The following ABHD3 variants were observed in gnomAD, a reference collection of about 807,000 sequenced individuals.
ABHD3 encodes the protein abhydrolase domain containing 3, phospholipase.
A neutral mutation model predicts 48.8 loss-of-function variants in ABHD3; 46 were observed. That is an observed-to-expected ratio of 0.94 (90% CI 0.74 to 1.20). ABHD3 has a LOEUF of 1.20. ABHD3 is among the 50% of genes most tolerant of loss of function. ABHD3 has a pLI of 0.00. For missense variants in ABHD3, 490 were observed against 497.8 expected (o/e 0.98, Z 0.15); for synonymous variants, 192 against 183.7 (o/e 1.04, Z -0.36).
intron 3 of ABHD3, among the ~76,000 whole-genome samples, chr18:21,697,891 G>C (rs2040416629): frequency 6.6e-6 from 1 of 152,104 alleles, no homozygotes; most frequent in Admixed American, 6.6e-5. Context: ...TACGCTGGGA[G>C]TTAGGTTCTC....
chr18:21,657,161 A>G lies in ABHD3; in HGVS notation c.843-9T>C. On this transcript the variant is annotated splice_polypyrimidine_tract_variant and intron_variant, in intron 6 of 8. Coordinates refer to ENST00000289119, the MANE Select transcript of ABHD3 (RefSeq NM_138340.5). ...CAAACATATGTCGGTGCCTGGAACA[A>G]AAGAATTTCGGAAGTAAAAATCAAG... 1 of 1,595,266 alleles carries G rather than the reference A, an allele frequency of 6.3e-7. No homozygotes were observed. Among genetic ancestry groups the G allele is most frequent in the East Asian group, 2.2e-5 (1 of 44,702 alleles).
chr18:21,684,446 G>C (rs1315260195), intron 3 of ABHD3, among the ~76,000 whole-genome samples: 1 of 148,322 alleles, frequency 6.7e-6, no homozygotes, highest in East Asian at 2.0e-4. Context: ...AGCCTCCTTA[G>C]TAGCTGGGAT....
chr18:21,683,600 A>C (rs548806346), intron 4 of ABHD3: 1 of 485,966 alleles, frequency 2.1e-6, no homozygotes, highest in Admixed American at 2.3e-5. Flanking sequence ...GATGTAGGTG[A>C]ATAACTATCG....
chr18:21,675,699 T>C lies in ABHD3; in HGVS notation c.555+8221A>G, dbSNP rs574313033. Reference sequence around the variant, plus strand: ...CAAGCTGCTTCTCTCATTAAGGAAATATTGCGATGAGGGAAAAAAAGTCAG... The same window carrying C: ...CAAGCTGCTTCTCTCATTAAGGAAACATTGCGATGAGGGAAAAAAAGTCAG... On this transcript the variant is annotated intron_variant, in intron 4 of 8. Transcript: ENST00000289119. Among the ~76,000 whole-genome samples, 5 of 152,096 alleles carry C rather than the reference T, an allele frequency of 3.3e-5. No homozygotes were observed. The East Asian group carries it at 7.7e-4, about 24-fold the overall frequency.
intron 2 of ABHD3, 54 bp from the exon 3 acceptor site, chr18:21,702,552 T>C: frequency 7.4e-7 from 1 of 1,357,762 alleles, no homozygotes; most frequent in Non-Finnish European, 9.6e-7. Flanking sequence ...AGTCATGTCT[T>C]AATTTTAATT....
At chr18:21,652,398 C>T (rs370674656) in intron 8 of ABHD3, among the ~76,000 whole-genome samples, 5 of 145,802 alleles carry the variant, frequency 3.4e-5, no homozygotes, top group Admixed American at 2.1e-4. Flanking sequence ...AAATAAAGAA[C>T]GAAAGAAAGA....
At chr18:21,702,252 G>C in intron 3 of ABHD3, 64 bp downstream of exon 3, 2 of 1,323,396 alleles carry the variant, frequency 1.5e-6, no homozygotes. Flanking sequence ...AAACAAACAT[G>C]TAGATATATT....
intron 8 of ABHD3, among the ~76,000 whole-genome samples, chr18:21,656,154 C>T (rs1303780250): frequency 6.6e-6 from 1 of 152,134 alleles, no homozygotes; most frequent in Non-Finnish European, 1.5e-5. Flanking sequence ...AAAAAGAAAG[C>T]AGGAAAGTTT....
intron 8 of ABHD3, among the ~76,000 whole-genome samples, chr18:21,652,209 G>A (rs1373262998): frequency 1.3e-5 from 2 of 152,082 alleles, no homozygotes; most frequent in Non-Finnish European, 2.9e-5. Flanking sequence ...TTTACATGAT[G>A]TGGCTGGGCA....
chr18:21,696,545 C>T (rs1401763767), intron 3 of ABHD3, among the ~76,000 whole-genome samples: 1 of 151,970 alleles, frequency 6.6e-6, no homozygotes, highest in Non-Finnish European at 1.5e-5. Context: ...AAAATAATAC[C>T]TATTAGGCTA....
chr18:21,693,496 G>A (rs1330987724), intron 3 of ABHD3, among the ~76,000 whole-genome samples: 1 of 152,092 alleles, frequency 6.6e-6, no homozygotes, highest in African/African-American at 2.4e-5. Context: ...AAAGAAGACG[G>A]GTGCTCTGAA....
Position 21,664,125 on chromosome 18 carries a change from T to C in ABHD3, c.661A>G (p.Met221Val), listed in dbSNP as rs752199897. The change falls in exon 5 of 9, where the codon ATG becomes GTG. Residue 221 changes from methionine (M) to valine (V), a missense_variant. Met to Val is a conservative substitution (Grantham distance 21). Coordinates refer to ENST00000289119, the MANE Select transcript of ABHD3 (RefSeq NM_138340.5). ...AGAAAGGGAAAACCTTACCCTCCCA[T>C]TGAAACCCCTGCTGCCAGGAAAGGA... ...SAPFLAAGVS[M>V]GGMLLLNYLG... 6.2e-7 allele frequency: 1 copy of C among 1,608,554 alleles called. No individual in the cohort carries two copies. The highest frequency in any genetic ancestry group is 1.1e-5 in the South Asian group (1 of 89,410).
intron 4 of ABHD3, among the ~76,000 whole-genome samples, chr18:21,667,202 T>C (rs2146295120): frequency 6.7e-6 from 1 of 149,780 alleles, no homozygotes; most frequent in African/African-American, 2.5e-5. Flanking sequence ...GCCTCCCATG[T>C]AGCTGGGATT....
chr18:21,687,429 T>C (rs1184363776), intron 3 of ABHD3, among the ~76,000 whole-genome samples: 1 of 152,052 alleles, frequency 6.6e-6, no homozygotes, highest in Non-Finnish European at 1.5e-5. Flanking sequence ...GCCAGGACGG[T>C]CTCGATTTCC....
intron 4 of ABHD3, among the ~76,000 whole-genome samples, chr18:21,680,676 G>T (rs2039983974): frequency 6.6e-6 from 1 of 152,082 alleles, no homozygotes; most frequent in South Asian, 2.1e-4. Flanking sequence ...ATTCTTCCTG[G>T]AGGTTTTTCA....
intron 3 of ABHD3, among the ~76,000 whole-genome samples, chr18:21,692,663 A>G (rs906196889): frequency 6.6e-6 from 1 of 152,252 alleles, no homozygotes; most frequent in South Asian, 2.1e-4. Flanking sequence ...TACAACCAGC[A>G]TGGCTAATTC....
chr18:21,676,610 C>T (rs746034125), intron 4 of ABHD3, among the ~76,000 whole-genome samples: 4 of 152,144 alleles, frequency 2.6e-5, no homozygotes, highest in African/African-American at 4.8e-5. Context: ...AGGCTGGTCT[C>T]GAACTCCTGG....
intron 4 of ABHD3, among the ~76,000 whole-genome samples, chr18:21,665,413 ATTT>A (rs1176057154): frequency 6.6e-6 from 1 of 151,286 alleles, no homozygotes; most frequent in Non-Finnish European, 1.5e-5. Flanking sequence ...CAAATTTTTT[ATTT>A]TTTTGTAGAG....
intron 6 of ABHD3, among the ~76,000 whole-genome samples, chr18:21,658,015 T>C (rs1463875364): frequency 6.6e-6 from 1 of 151,888 alleles, no homozygotes; most frequent in Non-Finnish European, 1.5e-5. Flanking sequence ...CTGGGCAACA[T>C]GGCAAAACCT....
Sources: gnomAD v4.1 joint callset for allele counts (sites outside exome capture counted in the v4.1 genomes callset) on GRCh38, gnomAD v4.1.1 for gene constraint, MANE v1.5 for transcripts, NCBI Gene and HGNC (gene_info 2026-07-23, HGNC 2026-07-21) for gene names.